The following MYLIP variants were observed in gnomAD, a reference collection of about 807,000 sequenced individuals.
MYLIP encodes myosin regulatory light chain interacting protein.
A neutral mutation model predicts 45.8 loss-of-function variants in MYLIP; 26 were observed. That is an observed-to-expected ratio of 0.57 (90% CI 0.42 to 0.79). The LOEUF (loss-of-function observed/expected upper bound fraction) is 0.79. MYLIP is among the 30% of genes least tolerant of loss of function. MYLIP has a pLI of 0.00. For synonymous variants in MYLIP, 213 were observed against 218.1 expected (o/e 0.98, Z 0.21); for missense variants, 494 against 555.6 (o/e 0.89, Z 1.11).
chr6:16,134,849 T>A (rs750024839), intron 2 of MYLIP, among the ~76,000 whole-genome samples: 3 of 152,254 alleles, frequency 2.0e-5, no homozygotes, highest in Non-Finnish European at 2.9e-5. Flanking sequence ...ATGTGTTTAT[T>A]TCAGCCAAGG....
chr6:16,139,497 A>C (rs1316866453), intron 2 of MYLIP, among the ~76,000 whole-genome samples: 1 of 152,364 alleles, frequency 6.6e-6, no homozygotes, highest in South Asian at 2.1e-4. Context: ...CTTTAACGAA[A>C]GCATAGATGC....
downstream of MYLIP, among the ~76,000 whole-genome samples, chr6:16,151,200 A>T (rs1481387302): frequency 6.6e-6 from 1 of 151,264 alleles, no homozygotes. Context: ...AAAAAAAAAT[A>T]CAAAAAATCA....
intron 5 of MYLIP, among the ~76,000 whole-genome samples, chr6:16,144,235 A>G (rs1759739015): frequency 6.6e-6 from 1 of 152,120 alleles, no homozygotes; most frequent in Non-Finnish European, 1.5e-5. Flanking sequence ...ATAATTATTT[A>G]CTTAGTCTAG....
chr6:16,139,454 A>G (rs1476503437), intron 2 of MYLIP, among the ~76,000 whole-genome samples: 1 of 152,214 alleles, frequency 6.6e-6, no homozygotes, highest in African/African-American at 2.4e-5. Context: ...GTTTGTGGCA[A>G]TATTCTTCAA....
chr6:16,131,297 T>C (rs1000371089), intron 2 of MYLIP, among the ~76,000 whole-genome samples: 2 of 152,232 alleles, frequency 1.3e-5, no homozygotes, highest in African/African-American at 4.8e-5. Flanking sequence ...AAAATGTAAT[T>C]TCATGAACTC....
At chr6:16,154,183 G>T in the MYLIP span, among the ~76,000 whole-genome samples, 2 of 152,024 alleles carry the variant, frequency 1.3e-5, no homozygotes, top group African/African-American at 4.8e-5. Context: ...GAGGAGTCTT[G>T]CTATGTTGTC....
the MYLIP span, among the ~76,000 whole-genome samples, chr6:16,154,223 C>T: frequency 1.3e-5 from 2 of 152,110 alleles, no homozygotes; most frequent in African/African-American, 4.8e-5. Flanking sequence ...CAGACCTCAG[C>T]GTCTCGAATA....
chr6:16,137,768 A>G (rs1214007819), intron 2 of MYLIP, among the ~76,000 whole-genome samples: 2 of 152,212 alleles, frequency 1.3e-5, no homozygotes, highest in East Asian at 3.8e-4. Context: ...TTAACATTGT[A>G]AGAAGGAATT....
chr6:16,138,167 T>G (rs1484979849), intron 2 of MYLIP, among the ~76,000 whole-genome samples: 3 of 152,210 alleles, frequency 2.0e-5, no homozygotes, highest in African/African-American at 7.2e-5. Context: ...TTCCAAAGGC[T>G]TTCTTTCTGT....
chr6:16,145,579 A>T (rs916123608), intron 6 of MYLIP, among the ~76,000 whole-genome samples: 1 of 152,168 alleles, frequency 6.6e-6, no homozygotes, highest in Admixed American at 6.5e-5. Flanking sequence ...CCTGGGTAAC[A>T]TATCTAGTTA....
chr6:16,149,127 GT>G (rs1361560028), downstream of MYLIP, among the ~76,000 whole-genome samples: 1 of 152,134 alleles, frequency 6.6e-6, no homozygotes, highest in East Asian at 1.9e-4. Flanking sequence ...AGCCTGTAAC[GT>G]GTACTTTTGT....
In MYLIP at chr6:16,143,078, G is replaced by T. The variant is rs779494164; in HGVS notation, c.523G>T (p.Val175Phe). ...CAGCCAGGCTTCAGCTGAATACCAA[G>T]TTTTGCAGATTGTGTCGGCAATGGA... ...GTSQASAEYQ[V>F]LQIVSAMENY... The change falls in exon 4 of 7, where the codon GTT (valine) becomes TTT (phenylalanine). Residue 175 changes from valine to phenylalanine, a missense_variant. Physicochemically the swap from Val to Phe is conservative, Grantham distance 50 (BLOSUM62 -1). Transcript: ENST00000356840. 1.9e-6 allele frequency: 3 copies of T among 1,614,200 alleles called. No homozygotes were observed. In the South Asian group the frequency reaches 3.3e-5, roughly 18 times the overall value.
intron 2 of MYLIP, among the ~76,000 whole-genome samples, chr6:16,137,303 A>G (rs1395440530): frequency 6.6e-6 from 1 of 152,218 alleles, no homozygotes; most frequent in Non-Finnish European, 1.5e-5. Flanking sequence ...AACTGTGGTT[A>G]AGTGACTCAT....
At position 16,129,516 on chromosome 6, in the gene MYLIP, C is replaced by A; in HGVS notation, c.87+107C>A. The A allele has an allele frequency of 8.8e-7, 1 of 1,136,132 alleles. No homozygotes were observed. The allele number at this position is 1,136,132 out of a possible 1,614,324, so 70.4% of individuals were successfully genotyped here. A position where few individuals can be genotyped will look rare whatever the true frequency, so the allele number is the denominator to read the frequency against. On this transcript the variant is annotated intron_variant, in intron 1 of 6. Transcript: ENST00000356840. This position sits in a 1 kb window ranked among gnomAD's most constrained non-coding sequence, Gnocchi z 5.1. ...GCCCCCTACTAGGGGCCGGGAGGCA[C>A]TGCGGCGGCAGCCGGGGGGAGCGCG...
the MYLIP span, among the ~76,000 whole-genome samples, chr6:16,160,189 G>A: frequency 3.3e-5 from 5 of 152,078 alleles, no homozygotes; most frequent in African/African-American, 1.2e-4. Context: ...TGTAGTGGTG[G>A]TGGTCACACA....
intron 2 of MYLIP, among the ~76,000 whole-genome samples, chr6:16,139,637 G>A (rs1376529345): frequency 2.0e-5 from 3 of 152,148 alleles, no homozygotes; most frequent in African/African-American, 7.2e-5. Context: ...AGTAAACCAC[G>A]GCTTGCTGAG....
downstream of MYLIP, among the ~76,000 whole-genome samples, chr6:16,149,966 C>T (rs1759857617): frequency 6.6e-6 from 1 of 152,098 alleles, no homozygotes; most frequent in Non-Finnish European, 1.5e-5. Context: ...GATGGGCAAA[C>T]CTGGAGGTAG....
At chr6:16,157,089 G>A in the MYLIP span, among the ~76,000 whole-genome samples, 1 of 152,164 alleles carries the variant, frequency 6.6e-6, no homozygotes, top group Non-Finnish European at 1.5e-5. Flanking sequence ...TGTTGAGGCT[G>A]GCATCAGCTA....
downstream of MYLIP, among the ~76,000 whole-genome samples, chr6:16,152,089 A>G (rs1006397578): frequency 3.9e-5 from 6 of 152,148 alleles, no homozygotes; most frequent in African/African-American, 1.4e-4. Flanking sequence ...CAGGATTTGG[A>G]TTGATGGAAA....
Sources: allele counts gnomAD v4.1 joint callset (sites outside exome capture counted in the v4.1 genomes callset), GRCh38; gene constraint gnomAD v4.1.1; non-coding constraint Gnocchi (gnomAD v3.1); transcripts MANE v1.5; gene names NCBI Gene and HGNC (gene_info 2026-07-23, HGNC 2026-07-21).